The following LINGO2 variants were observed in gnomAD, a reference collection of about 807,000 sequenced individuals.
LINGO2 encodes leucine-rich repeat and immunoglobulin-like domain-containing nogo receptor-interacting protein 2.
LINGO2 carries 14 observed loss-of-function variants against 30.6 expected under a neutral mutation model. That is an observed-to-expected ratio of 0.46 (90% CI 0.30 to 0.72). The LOEUF (loss-of-function observed/expected upper bound fraction) is 0.72, where lower values mean the gene tolerates loss of function less well. Ranked by LOEUF, LINGO2 falls within the 30% of genes least tolerant of loss-of-function variation. The pLI is 0.07. For missense variants in LINGO2, 729 were observed against 751.7 expected, an observed-to-expected ratio of 0.97 and a Z score of 0.35; for synonymous variants, 317 against 288.5, an observed-to-expected ratio of 1.10 and a Z score of -1.00.
At chr9:28,316,158 CAATA>C (rs1317182068) in intron 3 of LINGO2, among the ~76,000 whole-genome samples, 3 of 151,622 alleles carry the variant, frequency 2.0e-5, no homozygotes, top group Non-Finnish European at 2.9e-5. Context: ...AATAAGCAGC[CAATA>C]AATGTTAGTT....
the LINGO2 span, among the ~76,000 whole-genome samples, chr9:28,975,172 T>C: frequency 6.6e-6 from 1 of 150,794 alleles, no homozygotes. Flanking sequence ...TCTAAGATGC[T>C]GATTTCTCAG....
chr9:28,911,911 C>T, the LINGO2 span, among the ~76,000 whole-genome samples: 5 of 152,076 alleles, frequency 3.3e-5, no homozygotes, highest in Non-Finnish European at 7.4e-5. Context: ...GAGACAGTTT[C>T]ATCTTACTCA....
chr9:28,490,020 G>A (rs1826333946), intron 1 of LINGO2, among the ~76,000 whole-genome samples: 1 of 151,084 alleles, frequency 6.6e-6, no homozygotes, highest in African/African-American at 2.4e-5. Context: ...ATAAGATAAT[G>A]AATGAAAATA....
intron 3 of LINGO2, among the ~76,000 whole-genome samples, chr9:28,340,648 T>C (rs544840456): frequency 6.6e-6 from 1 of 152,250 alleles, no homozygotes; most frequent in East Asian, 1.9e-4. Flanking sequence ...TATTCAAAAC[T>C]CAAATAGTGG....
At chr9:29,142,649 A>C in the LINGO2 span, among the ~76,000 whole-genome samples, 1 of 151,772 alleles carries the variant, frequency 6.6e-6, no homozygotes, top group African/African-American at 2.4e-5. Flanking sequence ...TTGCCTCAAC[A>C]TAATAAAGGC....
At chr9:29,176,420 C>T in the LINGO2 span, among the ~76,000 whole-genome samples, 2 of 152,196 alleles carry the variant, frequency 1.3e-5, no homozygotes, top group African/African-American at 4.8e-5. Flanking sequence ...GTGTTTCCCT[C>T]CCCTTCCTTT....
intron 1 of LINGO2, among the ~76,000 whole-genome samples, chr9:28,520,230 CTTTG>C (rs1440585982): frequency 6.6e-6 from 1 of 151,952 alleles, no homozygotes; most frequent in African/African-American, 2.4e-5. Flanking sequence ...TTGCAGGTGT[CTTTG>C]TTTTAGTCTT....
chr9:28,792,949 T>C, the LINGO2 span, among the ~76,000 whole-genome samples: 1 of 152,152 alleles, frequency 6.6e-6, no homozygotes, highest in African/African-American at 2.4e-5. Context: ...AATTATCTAT[T>C]ACTCAATGGA....
chr9:28,564,570 T>C (rs1462670371), intron 1 of LINGO2, among the ~76,000 whole-genome samples: 4 of 152,110 alleles, frequency 2.6e-5, no homozygotes, highest in Non-Finnish European at 4.4e-5. Context: ...GTTACTACCC[T>C]GCCTTAAAGC....
At chr9:28,536,152 G>C (rs757992013) in intron 1 of LINGO2, among the ~76,000 whole-genome samples, 1 of 152,120 alleles carries the variant, frequency 6.6e-6, no homozygotes, top group Non-Finnish European at 1.5e-5. Context: ...ATCAGAACCC[G>C]AAGATACACA....
chr9:28,699,525 A>C, the LINGO2 span, among the ~76,000 whole-genome samples: 1 of 152,082 alleles, frequency 6.6e-6, no homozygotes, highest in Non-Finnish European at 1.5e-5. Context: ...TTGTTTGAAC[A>C]ATATGAAATC....
At chr9:28,883,225 T>A in the LINGO2 span, among the ~76,000 whole-genome samples, 1 of 152,118 alleles carries the variant, frequency 6.6e-6, no homozygotes, top group Non-Finnish European at 1.5e-5. Context: ...GACGGAGTCT[T>A]GCTCTGTTGC....
the LINGO2 span, among the ~76,000 whole-genome samples, chr9:28,891,390 G>A: frequency 8.6e-5 from 13 of 151,768 alleles, no homozygotes; most frequent in Non-Finnish European, 1.5e-4. Flanking sequence ...GGTAAGGAAT[G>A]GAACAGAGAG....
chr9:28,760,209 T>C, the LINGO2 span, among the ~76,000 whole-genome samples: 3 of 152,088 alleles, frequency 2.0e-5, no homozygotes. Context: ...TGAATAATTA[T>C]TAAAAATGAA....
At chr9:28,010,831 T>C (rs906524130) in intron 5 of LINGO2, among the ~76,000 whole-genome samples, 1 of 152,198 alleles carries the variant, frequency 6.6e-6, no homozygotes, top group Non-Finnish European at 1.5e-5. Context: ...GGCATGTGCC[T>C]GTCGTCCCAG....
chr9:28,338,702 G>C (rs1432434242), intron 3 of LINGO2, among the ~76,000 whole-genome samples: 1 of 152,034 alleles, frequency 6.6e-6, no homozygotes, highest in Admixed American at 6.6e-5. Flanking sequence ...TATATAAGAG[G>C]CTTTTCCCTT....
the LINGO2 span, among the ~76,000 whole-genome samples, chr9:28,954,933 A>G: frequency 2.0e-4 from 31 of 152,228 alleles, no homozygotes; most frequent in African/African-American, 5.3e-4. Context: ...CCTGCTCATA[A>G]TTGCTTACCC....
the LINGO2 span, among the ~76,000 whole-genome samples, chr9:29,082,217 G>A: frequency 3.3e-5 from 5 of 152,184 alleles, no homozygotes; most frequent in South Asian, 2.1e-4. Flanking sequence ...CAATGGTGCT[G>A]GTACCAAAAC....
chr9:28,461,434 C>T (rs1349580380), intron 2 of LINGO2, among the ~76,000 whole-genome samples: 1 of 152,134 alleles, frequency 6.6e-6, no homozygotes, highest in Non-Finnish European at 1.5e-5. Flanking sequence ...AAAATAGCAA[C>T]ACATTTTGTA....
Sources: gnomAD v4.1 joint callset for allele counts (sites outside exome capture counted in the v4.1 genomes callset) on GRCh38, gnomAD v4.1.1 for gene constraint, MANE v1.5 for transcripts, NCBI Gene and HGNC (gene_info 2026-07-23, HGNC 2026-07-21) for gene names.